Variants in POU3F3 observed in about 807,000 individuals in gnomAD.
The protein encoded by POU3F3 is POU domain, class 3, transcription factor 3.
A neutral mutation model predicts 8.6 loss-of-function variants in POU3F3; 1 was observed. The observed-to-expected ratio is 0.12, with a 90% confidence interval of 0.04 to 0.55. The LOEUF is 0.55. POU3F3 is among the 20% of genes least tolerant of loss of function. The pLI is 0.91. For missense variants in POU3F3, 577 were observed against 690.7 expected (o/e 0.84, Z 1.84); for synonymous variants, 418 against 327.4 (o/e 1.28, Z -2.99).
chr2:104,862,710 C>T (rs938632027), downstream of POU3F3, among the ~76,000 whole-genome samples: 13 of 152,322 alleles, frequency 8.5e-5, no homozygotes, highest in African/African-American at 3.1e-4. Context: ...ACGAACCTTT[C>T]TCAAAGATTT....
chr2:104,868,471 C>T, the POU3F3 span: 1 of 411,158 alleles, frequency 2.4e-6, no homozygotes, highest in Non-Finnish European at 4.9e-6. Context: ...TTCTTGAACT[C>T]AACTCAGGAG....
chr2:104,907,462 G>C, the POU3F3 span, among the ~76,000 whole-genome samples: 3 of 152,124 alleles, frequency 2.0e-5, no homozygotes, highest in Non-Finnish European at 2.9e-5. Context: ...CAAAGCAAGC[G>C]ACTAGAGAAC....
At position 104,856,485 on chromosome 2, in the gene POU3F3, C is replaced by T. The variant is rs758983648; in HGVS notation, c.975C>T (p.Phe325=). 24 of 1,613,544 alleles carry T rather than the reference C, an allele frequency of 1.5e-5. No homozygotes were observed. The South Asian group carries it at 2.6e-4, about 18-fold the overall frequency. ...DTPTSDDLEQ[F]AKQFKQRRIK... Reference sequence around the variant, plus strand: ...CGACGTCGGACGACCTGGAGCAGTTCGCCAAGCAGTTCAAGCAGCGGCGCA... The same window carrying T: ...CGACGTCGGACGACCTGGAGCAGTTTGCCAAGCAGTTCAAGCAGCGGCGCA... Residue 325 remains phenylalanine, a synonymous_variant, in exon 1 of 1, where the codon TTC becomes TTT. Transcript: ENST00000361360.
At chr2:104,913,146 C>A in the POU3F3 span, among the ~76,000 whole-genome samples, 2 of 151,486 alleles carry the variant, frequency 1.3e-5, no homozygotes, top group Admixed American at 6.6e-5. Context: ...CAGCCAGAGG[C>A]AATGCTTGTG....
the POU3F3 span, among the ~76,000 whole-genome samples, chr2:104,896,311 C>T: frequency 6.6e-6 from 1 of 152,190 alleles, no homozygotes; most frequent in Non-Finnish European, 1.5e-5. Context: ...TGGCCCCAGC[C>T]ACCTGCACCC....
At chr2:104,854,102 G>A (rs1334206988), upstream of POU3F3, among the ~76,000 whole-genome samples, 1 of 152,200 alleles carries the variant, frequency 6.6e-6, no homozygotes, top group Non-Finnish European at 1.5e-5. This position sits in a 1 kb window ranked among gnomAD's most constrained non-coding sequence, Gnocchi z 4.5. Flanking sequence ...CGCGCTCGCG[G>A]CGGAGGGTAA....
chr2:104,873,992 C>A, the POU3F3 span, among the ~76,000 whole-genome samples: 1 of 152,220 alleles, frequency 6.6e-6, no homozygotes, highest in Non-Finnish European at 1.5e-5. Context: ...GATGGAAAGT[C>A]CGAAGAGGCC....
chr2:104,872,558 A>T, the POU3F3 span: 1 of 318,502 alleles, frequency 3.1e-6, no homozygotes, highest in Non-Finnish European at 6.1e-6. The surrounding 1 kb of genome is among the most constrained non-coding windows in gnomAD (Gnocchi z 4.6). Context: ...CCGGTCCCCG[A>T]GTTCCCGCGG....
chr2:104,858,994 C>T (rs1226227806), downstream of POU3F3, among the ~76,000 whole-genome samples: 1 of 151,998 alleles, frequency 6.6e-6, no homozygotes, highest in African/African-American at 2.4e-5. Context: ...TGTCCCCCTC[C>T]CAACATGTTC....
the POU3F3 span, among the ~76,000 whole-genome samples, chr2:104,923,078 A>G: frequency 6.6e-6 from 1 of 152,206 alleles, no homozygotes; most frequent in African/African-American, 2.4e-5. Flanking sequence ...CTAAATTAAG[A>G]CATTCTCAGG....
At chr2:104,924,519 G>A in the POU3F3 span, among the ~76,000 whole-genome samples, 14 of 152,046 alleles carry the variant, frequency 9.2e-5, no homozygotes, top group Non-Finnish European at 1.3e-4. Context: ...TCATTACTTC[G>A]GATTAACTGT....
In POU3F3 at chr2:104,855,468, G is replaced by C. The variant is rs1573319377; in HGVS notation, c.-43G>C. On this transcript the variant is annotated 5_prime_UTR_variant, in exon 1 of 1. Transcript: ENST00000361360. ...CGGCCGCGGCTGCTGCTGCGGCGGC[G>C]GCGGCGGTGGTGGCGGCGGTGGGGT... The C allele has an allele frequency of 2.1e-6, 2 of 941,294 alleles. No individual in the cohort carries two copies. Among genetic ancestry groups the C allele is most frequent in the Non-Finnish European group, 2.5e-6 (2 of 793,670 alleles). The allele number at this position is 941,294 out of a possible 1,614,324, so 58.3% of individuals were successfully genotyped here.
the POU3F3 span, among the ~76,000 whole-genome samples, chr2:104,868,695 A>C: frequency 6.6e-6 from 1 of 152,166 alleles, no homozygotes; most frequent in Non-Finnish European, 1.5e-5. Flanking sequence ...CTGAAATTCC[A>C]GCTGGCGGGT....
At chr2:104,920,305 G>A in the POU3F3 span, among the ~76,000 whole-genome samples, 20 of 152,274 alleles carry the variant, frequency 1.3e-4, no homozygotes, top group Admixed American at 4.6e-4. Flanking sequence ...GTGAGCCACC[G>A]TGCCCAGCCA....
rs1045615375 is a variant in POU3F3, at chr2:104,857,230, C to T, written c.*217C>T. On this transcript the variant is annotated 3_prime_UTR_variant, in exon 1 of 1. Coordinates refer to ENST00000361360, the MANE Select transcript of POU3F3 (RefSeq NM_006236.3). ...ATGCCCGCCCTTGGAGGAGAAAACG[C>T]GGGAGAAACGGACCAAGGAGGCATT... The T allele has an allele frequency of 1.2e-4, 50 of 421,768 alleles. No homozygotes were observed. The highest frequency in any genetic ancestry group is 6.4e-4 in the Admixed American group (10 of 15,554). The allele number at this position is 421,768 out of a possible 1,614,324, so 26.1% of individuals were successfully genotyped here.
chr2:104,859,389 T>C (rs1400768856), downstream of POU3F3, among the ~76,000 whole-genome samples: 4 of 152,218 alleles, frequency 2.6e-5, no homozygotes, highest in Admixed American at 1.3e-4. Flanking sequence ...GAAAGTGTAA[T>C]GCCTCAGGTT....
At chr2:104,905,829 T>C in the POU3F3 span, among the ~76,000 whole-genome samples, 3 of 152,246 alleles carry the variant, frequency 2.0e-5, no homozygotes, top group African/African-American at 4.8e-5. Context: ...TAATTCAGTA[T>C]GACCATCTTA....
Position 104,857,053 on chromosome 2 carries a change from C to T in POU3F3, c.*40C>T, listed in dbSNP as rs1676579580. 2 of 1,385,348 alleles carry T rather than the reference C, an allele frequency of 1.4e-6. No individual in the cohort carries two copies. The highest frequency in any genetic ancestry group is 1.9e-6 in the Non-Finnish European group (2 of 1,062,020). The allele number at this position is 1,385,348 out of a possible 1,614,324, so 85.8% of individuals were successfully genotyped here. ...GCGAAGAGGGCCGCCGCCGCCGCCG[C>T]CTCCGCAGCCGCCGTCAGCACCGCC... On this transcript the variant is annotated 3_prime_UTR_variant, in exon 1 of 1. Coordinates refer to ENST00000361360, the MANE Select transcript of POU3F3 (RefSeq NM_006236.3).
At chr2:104,914,564 T>C in the POU3F3 span, among the ~76,000 whole-genome samples, 2 of 152,150 alleles carry the variant, frequency 1.3e-5, no homozygotes, top group Non-Finnish European at 2.9e-5. Flanking sequence ...TGCTATGAAA[T>C]TACATTAATT....
Sources: gnomAD v4.1 joint callset for allele counts (sites outside exome capture counted in the v4.1 genomes callset) on GRCh38, gnomAD v4.1.1 for gene constraint, Gnocchi (gnomAD v3.1) non-coding constraint, MANE v1.5 for transcripts, NCBI Gene and HGNC (gene_info 2026-07-23, HGNC 2026-07-21) for gene names.